Variants in UNC79 observed in about 807,000 individuals in gnomAD.
UNC79 encodes the protein unc-79 subunit of NALCN channel complex.
Under a neutral mutation model 283.1 loss-of-function variants are expected in UNC79, and 37 were observed. The observed-to-expected ratio is 0.13, with a 90% CI of 0.10 to 0.17. The LOEUF is 0.17. Among genes scored for constraint, UNC79 ranks in the 10% least tolerant of loss-of-function variants. The probability of loss-of-function intolerance (pLI) is 1.00; values close to 1 mark genes in which losing one functional copy is unlikely to be tolerated. For missense variants in UNC79, 2,272 were observed against 3,211.1 expected, an observed-to-expected ratio of 0.71 and a Z score of 7.07; for synonymous variants, 1,107 against 1,200.2, an observed-to-expected ratio of 0.92 and a Z score of 1.61.
intron 46 of UNC79, among the ~76,000 whole-genome samples, chr14:93,692,730 C>G (rs1215281633): frequency 6.6e-6 from 1 of 152,176 alleles, no homozygotes; most frequent in African/African-American, 2.4e-5. Context: ...TGGAAAATGT[C>G]TGGGGTATGG....
intron 1 of UNC79, among the ~76,000 whole-genome samples, chr14:93,457,094 G>T (rs2056816727): frequency 1.3e-5 from 2 of 152,178 alleles, no homozygotes; most frequent in African/African-American, 4.8e-5. Flanking sequence ...TTCAAAACTA[G>T]CCCATGAAAG....
intron 1 of UNC79, among the ~76,000 whole-genome samples, chr14:93,459,378 GA>G (rs938004628): frequency 1.3e-5 from 2 of 152,186 alleles, no homozygotes; most frequent in African/African-American, 4.8e-5. Context: ...TATTTTCTAA[GA>G]AATAAATAAC....
intron 1 of UNC79, among the ~76,000 whole-genome samples, chr14:93,371,174 G>C (rs962738851): frequency 6.6e-6 from 1 of 152,062 alleles, no homozygotes; most frequent in Non-Finnish European, 1.5e-5. Context: ...CAGATCACAA[G>C]GTCAGGAGAT....
At chr14:93,649,343 G>A (rs1287869220) in intron 35 of UNC79, among the ~76,000 whole-genome samples, 1 of 152,068 alleles carries the variant, frequency 6.6e-6, no homozygotes, top group Non-Finnish European at 1.5e-5. Context: ...TAAACATACT[G>A]CAAAGTTGAA....
chr14:93,543,208 A>ATG (rs1198471067), intron 14 of UNC79, among the ~76,000 whole-genome samples: 1 of 151,494 alleles, frequency 6.6e-6, no homozygotes, highest in East Asian at 1.9e-4. Context: ...TCATGTATAT[A>ATG]TATATATACA....
intron 14 of UNC79, among the ~76,000 whole-genome samples, chr14:93,571,068 G>A (rs1280841812): frequency 6.6e-6 from 1 of 151,998 alleles, no homozygotes; most frequent in African/African-American, 2.4e-5. Context: ...AATAGATATT[G>A]GAGCTTTAAA....
At chr14:93,480,624 G>C (rs117989141) in intron 4 of UNC79, among the ~76,000 whole-genome samples, 26 of 152,054 alleles carry the variant, frequency 1.7e-4, no homozygotes, top group Admixed American at 1.4e-3. Flanking sequence ...TGTTTCCTTT[G>C]TACTTGTTAT....
intron 24 of UNC79, among the ~76,000 whole-genome samples, chr14:93,598,160 A>T (rs2065213922): frequency 6.6e-6 from 1 of 151,380 alleles, no homozygotes; most frequent in African/African-American, 2.4e-5. Context: ...CTAATTTTTA[A>T]CTTTTTTTTT....
At chr14:93,403,600 A>G (rs2055155614) in intron 1 of UNC79, among the ~76,000 whole-genome samples, 1 of 152,212 alleles carries the variant, frequency 6.6e-6, no homozygotes, top group African/African-American at 2.4e-5. Flanking sequence ...TGCGTTTCCA[A>G]CAGCAAACAG....
intron 2 of UNC79, among the ~76,000 whole-genome samples, chr14:93,473,315 C>T (rs1372277585): frequency 6.6e-6 from 1 of 151,948 alleles, no homozygotes; most frequent in Non-Finnish European, 1.5e-5. Flanking sequence ...ATGTTTCCTC[C>T]CCAACATGCA....
At chr14:93,706,548 G>C (rs557939984) in intron 48 of UNC79, among the ~76,000 whole-genome samples, 156 bp from the exon 52 acceptor site, 1 of 152,282 alleles carries the variant, frequency 6.6e-6, no homozygotes, top group African/African-American at 2.4e-5. Flanking sequence ...GCGATCCCCC[G>C]CCCTGGGCAC....
intron 27 of UNC79, among the ~76,000 whole-genome samples, chr14:93,614,810 A>T (rs117574966): frequency 6.6e-6 from 1 of 152,056 alleles, no homozygotes; most frequent in South Asian, 2.1e-4. Flanking sequence ...TTACTCATCC[A>T]TTCCCCTAGT....
chr14:93,673,857 A>G (rs1035238879), intron 41 of UNC79, among the ~76,000 whole-genome samples: 3 of 152,064 alleles, frequency 2.0e-5, no homozygotes, highest in African/African-American at 7.2e-5. Flanking sequence ...TGATCCCTGA[A>G]TCTCTGTGAG....
At chr14:93,693,446 A>G (rs2140964902) in intron 46 of UNC79, among the ~76,000 whole-genome samples, 1 of 152,328 alleles carries the variant, frequency 6.6e-6, no homozygotes, top group East Asian at 1.9e-4. Context: ...GTTGCACATG[A>G]ATTTTATGCA....
At chr14:93,485,588 G>T (rs2058376617) in intron 4 of UNC79, among the ~76,000 whole-genome samples, 1 of 152,088 alleles carries the variant, frequency 6.6e-6, no homozygotes, top group Admixed American at 6.5e-5. Context: ...CGTGCACTTT[G>T]TTCCTTAGCA....
At chr14:93,418,207 C>T (rs1385519643) in intron 1 of UNC79, among the ~76,000 whole-genome samples, 2 of 150,522 alleles carry the variant, frequency 1.3e-5, no homozygotes, top group Admixed American at 6.6e-5. Flanking sequence ...GGTGTGGATG[C>T]CCTTTCTGTT....
chr14:93,487,481 A>G (rs1311249584), intron 4 of UNC79, among the ~76,000 whole-genome samples, 182 bp from the exon 5 acceptor site: 1 of 152,094 alleles, frequency 6.6e-6, no homozygotes, highest in Non-Finnish European at 1.5e-5. Context: ...TCCTATGGAG[A>G]TGACAACTGT....
At chr14:93,571,771 C>T in intron 14 of UNC79, 123 bp from the exon 15 acceptor site, 1 of 962,362 alleles carries the variant, frequency 1.0e-6, no homozygotes, top group East Asian at 2.6e-5. Flanking sequence ...AGATTCTTGG[C>T]CTAGGACTCA....
chr14:93,494,037 G>A (rs1235973568), intron 5 of UNC79, among the ~76,000 whole-genome samples: 1 of 150,480 alleles, frequency 6.6e-6, no homozygotes, highest in Non-Finnish European at 1.5e-5. Context: ...CCAAGTAGCT[G>A]GGATTACAGG....
Sources: allele counts gnomAD v4.1 joint callset (sites outside exome capture counted in the v4.1 genomes callset), GRCh38; gene constraint gnomAD v4.1.1; transcripts MANE v1.5; gene names NCBI Gene and HGNC (gene_info 2026-07-23, HGNC 2026-07-21).